KCNH7: variants seen among roughly 807,000 people sequenced by gnomAD.
The protein encoded by KCNH7 is potassium voltage-gated channel subfamily H member 7.
A neutral mutation model predicts 120.8 loss-of-function variants in KCNH7; 49 were observed. The ratio of observed to expected loss-of-function variants is 0.41; its 90% confidence interval spans 0.32 to 0.51. The LOEUF (loss-of-function observed/expected upper bound fraction) is 0.51, where lower values mean the gene tolerates loss of function less well. Ranked by LOEUF, KCNH7 falls within the 20% of genes least tolerant of loss-of-function variation. KCNH7 has a pLI of 0.38. For missense variants in KCNH7, 1,097 were observed against 1,446.6 expected (o/e 0.76, Z 3.92); for synonymous variants, 547 against 516.1 (o/e 1.06, Z -0.81).
chr2:162,660,398 T>C (rs2105276700), intron 2 of KCNH7, among the ~76,000 whole-genome samples: 1 of 152,292 alleles, frequency 6.6e-6, no homozygotes, highest in South Asian at 2.1e-4. Context: ...TATTTAATCC[T>C]CAAGTACTTG....
At chr2:162,792,235 C>A (rs1683974069) in intron 2 of KCNH7, among the ~76,000 whole-genome samples, 2 of 151,750 alleles carry the variant, frequency 1.3e-5, no homozygotes, top group Admixed American at 6.6e-5. Context: ...GGATATTGGC[C>A]TGAAGTTTTC....
At chr2:162,804,946 C>A (rs929474528) in intron 2 of KCNH7, among the ~76,000 whole-genome samples, 5 of 151,786 alleles carry the variant, frequency 3.3e-5, no homozygotes, top group African/African-American at 1.2e-4. Flanking sequence ...AAGCCAAATT[C>A]TTATAACCAA....
At position 162,713,818 on chromosome 2, in the gene KCNH7, A is replaced by T. The variant is rs190883145; in HGVS notation, c.307+122719T>A. On this transcript the variant is annotated intron_variant, in intron 2 of 15. Coordinates refer to ENST00000332142, the MANE Select transcript of KCNH7 (RefSeq NM_033272.4). ...GGCTGGAATACAATAGCATGATCTC[A>T]GCTCACTGCAACCTCTGCCTCCCGG... Among the ~76,000 whole-genome samples the T allele has an allele frequency of 3.9e-3, 593 of 152,160 alleles. 4 individuals carry two copies. Among genetic ancestry groups the T allele is most frequent in the Middle Eastern group, 0.01 (3 of 294 alleles).
intron 2 of KCNH7, among the ~76,000 whole-genome samples, chr2:162,694,798 C>T (rs1559085742): frequency 6.6e-6 from 1 of 151,404 alleles, no homozygotes. Context: ...GGCTGGAGTG[C>T]AGTGGCGTGA....
chr2:162,380,527 T>A (rs1390993669), intron 13 of KCNH7, among the ~76,000 whole-genome samples: 2 of 152,024 alleles, frequency 1.3e-5, no homozygotes, highest in Non-Finnish European at 2.9e-5. Flanking sequence ...CCAACCCAAT[T>A]CAAATAGAGC....
chr2:162,820,200 C>T (rs1254249289), intron 2 of KCNH7, among the ~76,000 whole-genome samples: 1 of 58,656 alleles, frequency 1.7e-5, no homozygotes, highest in South Asian at 7.6e-4. Context: ...GCACCACGCC[C>T]GGCTAATTTT....
At chr2:162,629,338 C>T (rs1305727746) in intron 2 of KCNH7, among the ~76,000 whole-genome samples, 1 of 152,056 alleles carries the variant, frequency 6.6e-6, no homozygotes, top group Admixed American at 6.6e-5. Flanking sequence ...TTCCCATTGC[C>T]ATTTCTTCCC....
intron 2 of KCNH7, among the ~76,000 whole-genome samples, chr2:162,785,614 A>G (rs1255816438): frequency 6.6e-6 from 1 of 152,236 alleles, no homozygotes; most frequent in African/African-American, 2.4e-5. Flanking sequence ...GTGAATTAAA[A>G]AGGAAGGCTT....
At chr2:162,379,820 T>C (rs773233063) in intron 14 of KCNH7, 33 bp downstream of exon 14, 1 of 1,607,982 alleles carries the variant, frequency 6.2e-7, no homozygotes, top group Non-Finnish European at 8.5e-7. Context: ...AGGGGTTGGG[T>C]TATGTTCTCC....
At chr2:162,829,479 C>A (rs1002976218) in intron 2 of KCNH7, among the ~76,000 whole-genome samples, 2 of 152,040 alleles carry the variant, frequency 1.3e-5, no homozygotes, top group African/African-American at 2.4e-5. Flanking sequence ...GTGCCAACCA[C>A]AGCAATGAAA....
intron 2 of KCNH7, among the ~76,000 whole-genome samples, chr2:162,694,004 GAGAT>G (rs1417967798): frequency 1.3e-5 from 2 of 152,154 alleles, no homozygotes; most frequent in African/African-American, 4.8e-5. Flanking sequence ...GAAGATTGAT[GAGAT>G]AGTGTTTTCA....
chr2:162,579,608 A>T (rs1244902411), intron 2 of KCNH7, among the ~76,000 whole-genome samples: 1 of 152,052 alleles, frequency 6.6e-6, no homozygotes, highest in African/African-American at 2.4e-5. Context: ...GAGCAATTCC[A>T]GGGATATTGG....
At chr2:162,616,295 A>C (rs1279257512) in intron 2 of KCNH7, among the ~76,000 whole-genome samples, 6 of 152,226 alleles carry the variant, frequency 3.9e-5, no homozygotes, top group Non-Finnish European at 8.8e-5. Flanking sequence ...TGGATGACAT[A>C]GCTTTCCTCA....
intron 2 of KCNH7, among the ~76,000 whole-genome samples, chr2:162,652,881 A>G (rs1157005506): frequency 6.6e-6 from 1 of 152,236 alleles, no homozygotes; most frequent in African/African-American, 2.4e-5. Context: ...AGATTGTTTG[A>G]ATGAAGGTAG....
At chr2:162,761,234 TGTAGGCATTGAATA>T (rs1196292652) in intron 2 of KCNH7, among the ~76,000 whole-genome samples, 2 of 152,108 alleles carry the variant, frequency 1.3e-5, no homozygotes, top group Non-Finnish European at 2.9e-5. Context: ...GGAGTTCTAC[TGTAGGCATTGAATA>T]GATTTTTCTG....
intron 2 of KCNH7, among the ~76,000 whole-genome samples, chr2:162,649,690 G>C (rs1016279616): frequency 1.3e-4 from 15 of 111,456 alleles, no homozygotes; most frequent in Non-Finnish European, 1.8e-4. Flanking sequence ...ACTGGTACCA[G>C]AGAGAGAGAG....
intron 2 of KCNH7, among the ~76,000 whole-genome samples, chr2:162,699,066 T>C (rs1011571449): frequency 3.3e-5 from 5 of 152,280 alleles, no homozygotes; most frequent in South Asian, 2.1e-4. Context: ...CACATGCTTA[T>C]CATTTTTTGT....
chr2:162,771,859 C>T (rs1683066070), intron 2 of KCNH7: 1 of 152,062 alleles, frequency 6.6e-6, no homozygotes, highest in Non-Finnish European at 1.5e-5. Context: ...TGCCAGAGTA[C>T]ACCTAATGGA....
intron 2 of KCNH7, among the ~76,000 whole-genome samples, chr2:162,703,297 G>C (rs1686580579): frequency 6.6e-6 from 1 of 151,944 alleles, no homozygotes; most frequent in Non-Finnish European, 1.5e-5. Flanking sequence ...TATATCTAAG[G>C]TCAAATACTT....
Sources: allele counts gnomAD v4.1 joint callset (sites outside exome capture counted in the v4.1 genomes callset), GRCh38; gene constraint gnomAD v4.1.1; transcripts MANE v1.5; gene names NCBI Gene and HGNC (gene_info 2026-07-23, HGNC 2026-07-21).